Variants in PAX5 observed in about 807,000 individuals in gnomAD.
PAX5 encodes paired box 5.
A neutral mutation model predicts 43.7 loss-of-function variants in PAX5; 9 were observed. The ratio of observed to expected loss-of-function variants is 0.21; its 90% CI spans 0.12 to 0.36. The LOEUF (loss-of-function observed/expected upper bound fraction) is 0.36. PAX5 is among the 10% of genes least tolerant of loss of function. The pLI is 1.00. For missense variants in PAX5, 383 were observed against 532.7 expected (o/e 0.72, Z 2.77); for synonymous variants, 228 against 214.3 (o/e 1.06, Z -0.56).
intron 2 of PAX5, among the ~76,000 whole-genome samples, chr9:37,018,923 C>T (rs186643358): frequency 7.1e-4 from 108 of 152,218 alleles, no homozygotes; most frequent in Middle Eastern, 3.4e-3. Context: ...TGGATGTCCC[C>T]TCTGAAAAAG....
chr9:36,971,572 G>A (rs1157972679), intron 5 of PAX5, among the ~76,000 whole-genome samples: 2 of 152,176 alleles, frequency 1.3e-5, no homozygotes, highest in Non-Finnish European at 2.9e-5. Flanking sequence ...TAAATATATG[G>A]ACAGACACGG....
chr9:36,973,726 C>G (rs1239559838), intron 5 of PAX5, among the ~76,000 whole-genome samples: 3 of 152,078 alleles, frequency 2.0e-5, no homozygotes, highest in East Asian at 3.9e-4. Flanking sequence ...TTAAAAATGG[C>G]TGGGCATGGT....
At chr9:36,921,015 G>A (rs1036635056) in intron 7 of PAX5, among the ~76,000 whole-genome samples, 2 of 152,084 alleles carry the variant, frequency 1.3e-5, no homozygotes, top group Non-Finnish European at 2.9e-5. Flanking sequence ...GTTTCACCAT[G>A]TTGGCCGGGC....
chr9:36,888,054 G>A (rs1397396324), intron 7 of PAX5, among the ~76,000 whole-genome samples: 1 of 152,200 alleles, frequency 6.6e-6, no homozygotes, highest in Non-Finnish European at 1.5e-5. Flanking sequence ...TCAGGGAAAT[G>A]CAAATCCAAA....
At chr9:36,945,261 G>A (rs1378419890) in intron 6 of PAX5, among the ~76,000 whole-genome samples, 8 of 151,578 alleles carry the variant, frequency 5.3e-5, no homozygotes, top group Non-Finnish European at 7.4e-5. Context: ...GTTTGAAACA[G>A]GGTCTCACAC....
chr9:37,014,335 A>G (rs934099303), intron 3 of PAX5, among the ~76,000 whole-genome samples: 1 of 152,146 alleles, frequency 6.6e-6, no homozygotes, highest in African/African-American at 2.4e-5. Context: ...GTGAGATTCC[A>G]TGTATGAGTT....
At chr9:36,892,699 T>A (rs80126894) in intron 7 of PAX5, among the ~76,000 whole-genome samples, 1,568 of 152,270 alleles carry the variant, frequency 0.01, 28 homozygotes, top group Admixed American at 0.049. Context: ...AGATATTTCA[T>A]GGGAAGGAAG....
rs114418370 is a variant in PAX5 at position 37,026,173 on chromosome 9, G to A, written c.47-5372C>T. On this transcript the variant is annotated intron_variant, in intron 1 of 9. Coordinates refer to ENST00000358127, the MANE Select transcript of PAX5 (RefSeq NM_016734.3). ...GGAGTAGGGGTGTGGGGCGCTGTCTGAGACTCTGACTGGCCTCTCCCTACA... is the reference window on the plus strand; with the variant it reads ...GGAGTAGGGGTGTGGGGCGCTGTCTAAGACTCTGACTGGCCTCTCCCTACA... Among the ~76,000 whole-genome samples, 92 of 152,368 alleles carry A rather than the reference G, an allele frequency of 6.0e-4. 1 individual carries two copies. Among genetic ancestry groups the A allele is most frequent in the African/African-American group, 2.2e-3 (91 of 41,592 alleles).
chr9:36,911,761 C>T (rs1005083907), intron 7 of PAX5, among the ~76,000 whole-genome samples: 2 of 152,206 alleles, frequency 1.3e-5, no homozygotes, highest in African/African-American at 4.8e-5. Flanking sequence ...TTCAGAGCTG[C>T]CTGGCACCCC....
intron 7 of PAX5, among the ~76,000 whole-genome samples, chr9:36,920,927 C>T (rs1427472997): frequency 2.7e-5 from 4 of 150,350 alleles, no homozygotes; most frequent in African/African-American, 9.8e-5. Context: ...AATTCTCCTG[C>T]CTCAGCCTCC....
At chr9:37,021,402 T>C (rs1399430784) in intron 1 of PAX5, among the ~76,000 whole-genome samples, 1 of 151,796 alleles carries the variant, frequency 6.6e-6, no homozygotes. Flanking sequence ...TTTAAGAAGG[T>C]GAGGTTGACA....
intron 6 of PAX5, among the ~76,000 whole-genome samples, chr9:36,929,106 AAACTT>A (rs754771564): frequency 1.2e-4 from 18 of 152,272 alleles, no homozygotes; most frequent in Non-Finnish European, 2.1e-4. Context: ...CTTTTTTTCC[AAACTT>A]AACTTAGATA....
intron 6 of PAX5, among the ~76,000 whole-genome samples, chr9:36,962,897 G>A (rs768353000): frequency 2.6e-5 from 4 of 152,170 alleles, no homozygotes; most frequent in Non-Finnish European, 4.4e-5. Flanking sequence ...TGTCACCACC[G>A]CCATGCCACG....
chr9:37,019,905 G>T (rs1435900246), intron 2 of PAX5, among the ~76,000 whole-genome samples: 4 of 152,154 alleles, frequency 2.6e-5, no homozygotes, highest in Admixed American at 2.6e-4. Flanking sequence ...CAGTCACTTT[G>T]CCTGTCTAGG....
rs10650417 is a variant in PAX5, at chr9:36,882,267, T to TACACACACAC, written c.911-172_911-163dup. On this transcript the variant is annotated intron_variant, in intron 7 of 9. Transcript: ENST00000358127. This position sits in a 1 kb window ranked among gnomAD's most constrained non-coding sequence, Gnocchi z 4.4. The stretch of plus-strand genomic sequence containing the variant: ...GCTCACACGCTCTCACAAACACACA[T>TACACACACAC]ACACACACACACACACACACACACA... 3.2e-4 allele frequency among the ~76,000 whole-genome samples: 47 copies of TACACACACAC among 146,378 alleles called. No homozygotes were observed. The highest frequency in any genetic ancestry group is 1.1e-3 in the African/African-American group (44 of 40,256).
At chr9:36,846,709 C>G in intron 9 of PAX5, 134 bp downstream of exon 9, 1 of 609,060 alleles carries the variant, frequency 1.6e-6, no homozygotes, top group Non-Finnish European at 2.9e-6. Flanking sequence ...CACCTGTGCT[C>G]CATGTGTCTG....
chr9:36,938,596 C>A (rs750000090), intron 6 of PAX5, among the ~76,000 whole-genome samples: 1 of 152,196 alleles, frequency 6.6e-6, no homozygotes, highest in African/African-American at 2.4e-5. Flanking sequence ...AACAAAACAG[C>A]CTCTCTCTGC....
chr9:36,912,027 C>CAA (rs1167490673), intron 7 of PAX5, among the ~76,000 whole-genome samples: 2 of 152,244 alleles, frequency 1.3e-5, no homozygotes, highest in Non-Finnish European at 2.9e-5. Context: ...GGACTCTAAA[C>CAA]AAGTGGAAAA....
At chr9:36,986,490 G>C (rs1268875611) in intron 5 of PAX5, among the ~76,000 whole-genome samples, 1 of 152,056 alleles carries the variant, frequency 6.6e-6, no homozygotes, top group East Asian at 1.9e-4. Flanking sequence ...CGGCGCGAGC[G>C]GGCGGCCTCC....
Sources: gnomAD v4.1 joint callset for allele counts (sites outside exome capture counted in the v4.1 genomes callset) on GRCh38, gnomAD v4.1.1 for gene constraint, Gnocchi (gnomAD v3.1) non-coding constraint, MANE v1.5 for transcripts, NCBI Gene and HGNC (gene_info 2026-07-23, HGNC 2026-07-21) for gene names.